Variants in CKAP2 observed in about 807,000 individuals in gnomAD.
The protein encoded by CKAP2 is cytoskeleton associated protein 2, also known as cytoskeleton-associated protein 2.
CKAP2 carries 46 observed loss-of-function variants against 58.4 expected under a neutral mutation model. The observed-to-expected ratio is 0.79, with a 90% CI of 0.62 to 1.01. CKAP2 has a LOEUF of 1.01. CKAP2 is among the 50% of genes least tolerant of loss of function. The pLI, the probability that CKAP2 is intolerant of heterozygous loss-of-function variation, is 0.00. For synonymous variants in CKAP2, 293 were observed against 280.9 expected (o/e 1.04, Z -0.43); for missense variants, 809 against 796.4 (o/e 1.02, Z -0.19).
chr13:52,463,234 G>C lies in CKAP2; in HGVS notation c.1305+667G>C, dbSNP rs58762975. Among the ~76,000 whole-genome samples the C allele has an allele frequency of 2.0e-5, 3 of 152,260 alleles. No homozygotes were observed. The East Asian group carries it at 5.8e-4, about 29-fold the overall frequency. ...ATTACAGGTGTGAGCCACTGCGCTC[G>C]GCCTCATTCATGTTTTATATACAGC... On this transcript the variant is annotated intron_variant, in intron 5 of 8. Coordinates refer to ENST00000258607, the MANE Select transcript of CKAP2 (RefSeq NM_018204.5).
intron 7 of CKAP2, 187 bp from the exon 8 acceptor site, chr13:52,473,642 T>C (rs368442598): frequency 6.5e-5 from 33 of 511,098 alleles, no homozygotes; most frequent in African/African-American, 4.8e-4. Flanking sequence ...ATAGCATTTA[T>C]TTCATTTTAT....
At position 52,469,585 on chromosome 13, in the gene CKAP2, A is replaced by ATT. The variant is rs768281163; in HGVS notation, c.1546+1240_1546+1241dup. On this transcript the variant is annotated intron_variant, in intron 7 of 8. Transcript: ENST00000258607. ...CCATTGAATGAAATAATATTTATTTATTTATTTATTTATTTTTTTTTTGAG... is the reference window on the plus strand; with the variant it reads ...CCATTGAATGAAATAATATTTATTTATTTTTATTTATTTATTTTTTTTTTGAG... Among the ~76,000 whole-genome samples the ATT allele has an allele frequency of 2.3e-3, 336 of 144,154 alleles. 4 individuals carry two copies. The highest frequency in any genetic ancestry group is 3.4e-3 in the Non-Finnish European group (225 of 65,412). The allele number at this position is 144,154 out of a possible 152,430, so 94.6% of individuals were successfully genotyped here.
At chr13:52,455,721 A>T (rs897800101) in intron 1 of CKAP2, 95 bp downstream of exon 1, 1 of 1,291,670 alleles carries the variant, frequency 7.7e-7, no homozygotes. Flanking sequence ...GGCGCGCTTC[A>T]CCTCTCCCCC....
intron 7 of CKAP2, among the ~76,000 whole-genome samples, chr13:52,471,546 C>T (rs1044385655): frequency 1.3e-5 from 2 of 151,698 alleles, no homozygotes; most frequent in African/African-American, 4.8e-5. Context: ...AAACAAGCAC[C>T]ACGTGGGTGT....
At chr13:52,470,047 G>A (rs939167167) in intron 7 of CKAP2, among the ~76,000 whole-genome samples, 6 of 151,346 alleles carry the variant, frequency 4.0e-5, no homozygotes, top group South Asian at 2.1e-4. Flanking sequence ...ATATACCATC[G>A]CCTATATATC....
intron 5 of CKAP2, among the ~76,000 whole-genome samples, 168 bp from the exon 6 acceptor site, chr13:52,465,127 A>G (rs909081533): frequency 2.6e-5 from 4 of 152,212 alleles, no homozygotes; most frequent in Non-Finnish European, 5.9e-5. Flanking sequence ...TAAAATCAAG[A>G]TCAAATAAGT....
Position 52,473,931 on chromosome 13 carries a change from G to T in CKAP2, c.1649G>T (p.Ser550Ile). The T allele has an allele frequency of 6.2e-7, 1 of 1,613,878 alleles. No individual in the cohort carries two copies. Among genetic ancestry groups the T allele is most frequent in the Non-Finnish European group, 8.5e-7 (1 of 1,179,970 alleles). ...DVDPEKLEME[S>I]KLHRNLLFQD... ...GATCCAGAAAAACTGGAAATGGAGAGTAAACTTCATAGAAATTTGCTATTT... is the reference window on the plus strand; with the variant it reads ...GATCCAGAAAAACTGGAAATGGAGATTAAACTTCATAGAAATTTGCTATTT... Residue 550 changes from serine to isoleucine, a missense_variant, in exon 8 of 9, where the codon AGT (serine) becomes ATT (isoleucine). Ser to Ile is a moderately radical substitution (Grantham distance 142). This residue lies in a region of CKAP2 where 283 missense variants were observed against 287.6 expected (regional missense o/e 0.98). Coordinates refer to ENST00000258607, the MANE Select transcript of CKAP2 (RefSeq NM_018204.5).
intron 7 of CKAP2, among the ~76,000 whole-genome samples, chr13:52,472,732 G>A (rs988100343): frequency 6.6e-6 from 1 of 152,166 alleles, no homozygotes; most frequent in Non-Finnish European, 1.5e-5. Context: ...TTCCTACACA[G>A]TCATGTATTC....
At chr13:52,467,960 C>A (rs1279441305) in intron 6 of CKAP2, among the ~76,000 whole-genome samples, 1 of 152,032 alleles carries the variant, frequency 6.6e-6, no homozygotes, top group Non-Finnish European at 1.5e-5. Flanking sequence ...CAGGCGCCTG[C>A]CACCACGCCC....
Position 52,461,155 on chromosome 13 carries a change from A to C in CKAP2, c.329A>C (p.Asn110Thr), listed in dbSNP as rs36022164. ...TTAAAACCTTCAAATGAACTAACCA[A>C]TTCAACTGTAGTAATTGACACACAT... ...IPLKPSNELT[N>T]STVVIDTHKP... The change falls in exon 4 of 9, where the codon AAT becomes ACT. Residue 110 changes from asparagine (N) to threonine (T), a missense_variant. Asn to Thr is a moderately conservative substitution (Grantham distance 65). Transcript: ENST00000258607. 1 of 1,613,474 alleles carries C rather than the reference A, an allele frequency of 6.2e-7. No individual in the cohort carries two copies. Among genetic ancestry groups the C allele is most frequent in the Non-Finnish European group, 8.5e-7 (1 of 1,179,932 alleles).
At chr13:52,458,413 A>G (rs1347627537) in intron 2 of CKAP2, among the ~76,000 whole-genome samples, 6 of 152,232 alleles carry the variant, frequency 3.9e-5, no homozygotes, top group Non-Finnish European at 8.8e-5. Context: ...ATTACTAGGG[A>G]ATAAGTAGAG....
chr13:52,470,014 C>T (rs1385778855), intron 7 of CKAP2, among the ~76,000 whole-genome samples: 2 of 151,916 alleles, frequency 1.3e-5, no homozygotes, highest in Admixed American at 1.3e-4. Flanking sequence ...ATTATACAGT[C>T]AACAAATATT....
At chr13:52,466,668 CAAG>C (rs1188535385) in intron 6 of CKAP2, among the ~76,000 whole-genome samples, 1 of 152,150 alleles carries the variant, frequency 6.6e-6, no homozygotes, top group Admixed American at 6.5e-5. Flanking sequence ...TGCTGGAAAA[CAAG>C]AATCAAAATT....
Position 52,461,916 on chromosome 13 carries a change from G to A in CKAP2, c.1090G>A (p.Glu364Lys). The A allele has an allele frequency of 6.3e-7, 1 of 1,591,330 alleles. No homozygotes were observed. The highest frequency in any genetic ancestry group is 1.4e-5 in the African/African-American group (1 of 73,694). The change falls in exon 4 of 9, where the codon GAA (glutamate) becomes AAA (lysine). Residue 364 changes from glutamate to lysine, a missense_variant. Physicochemically the swap from Glu to Lys is moderately conservative, Grantham distance 56. This residue lies in a region of CKAP2 where 523 missense variants were observed against 492.4 expected (regional missense o/e 1.06). Coordinates refer to ENST00000258607, the MANE Select transcript of CKAP2 (RefSeq NM_018204.5). Reference sequence around the variant, plus strand: ...ATCAGCTCAGCCCAAAGAAACCTCGGAAGAGAGAAAGTAAGTAGATATAAT... The same window carrying A: ...ATCAGCTCAGCCCAAAGAAACCTCGAAAGAGAGAAAGTAAGTAGATATAAT... ...SRSAQPKETSEERKARLSEWK... is the reference protein window; with the variant it reads ...SRSAQPKETSKERKARLSEWK...
At chr13:52,468,131 T>G (rs2137861987) in intron 6 of CKAP2, 147 bp from the exon 7 acceptor site, 1 of 546,724 alleles carries the variant, frequency 1.8e-6, no homozygotes, top group East Asian at 3.1e-5. Flanking sequence ...TTTTCAATCT[T>G]AATTGTAAGT....
In CKAP2 at chr13:52,461,940, A is replaced by G. The variant is rs1318347865; in HGVS notation, c.1100+14A>G. The G allele has an allele frequency of 1.3e-6, 2 of 1,556,946 alleles. No individual in the cohort carries two copies. The highest frequency in any genetic ancestry group is 1.2e-5 in the South Asian group (1 of 80,526). On this transcript the variant is annotated intron_variant, in intron 4 of 8. Coordinates refer to ENST00000258607, the MANE Select transcript of CKAP2 (RefSeq NM_018204.5). ...GGAAGAGAGAAAGTAAGTAGATATA[A>G]TTTTCTTTATTACATTAGTTTTCAA... is the stretch of plus-strand genomic sequence containing the variant.
chr13:52,461,509 A>T lies in CKAP2; in HGVS notation c.683A>T (p.Lys228Ile). The change falls in exon 4 of 9, where the codon AAA becomes ATA. Residue 228 changes from lysine (K) to isoleucine (I), a missense_variant. Physicochemically the swap from Lys to Ile is moderately radical, Grantham distance 102. This residue lies in a region of CKAP2 where 523 missense variants were observed against 492.4 expected (regional missense o/e 1.06). Transcript: ENST00000258607. ...GTAAACACCAGCAGTGTAACAGTGA[A>T]AAGTAATAGATCCTCCAATATGACT... ...QPVNTSSVTV[K>I]SNRSSNMTAT... is the part of the protein sequence containing the mutation. The T allele has an allele frequency of 6.2e-7, 1 of 1,614,166 alleles. No homozygotes were observed. Among genetic ancestry groups the T allele is most frequent in the Non-Finnish European group, 8.5e-7 (1 of 1,180,036 alleles).
At chr13:52,472,793 T>A (rs949770365) in intron 7 of CKAP2, among the ~76,000 whole-genome samples, 3 of 152,218 alleles carry the variant, frequency 2.0e-5, no homozygotes, top group African/African-American at 4.8e-5. Context: ...ACGCCTATAA[T>A]CCCAACACCA....
chr13:52,461,628 A>C lies in CKAP2; in HGVS notation c.802A>C (p.Lys268Gln), dbSNP rs768920061. 1.4e-5 allele frequency: 22 copies of C among 1,614,184 alleles called. No individual in the cohort carries two copies. The East Asian group carries it at 3.6e-4, about 26-fold the overall frequency. The change falls in exon 4 of 9, where the codon AAA (lysine) becomes CAA (glutamine). Residue 268 changes from lysine to glutamine, a missense_variant. Lys to Gln is a moderately conservative substitution (Grantham distance 53, BLOSUM62 1). Transcript: ENST00000258607. Reference protein sequence around the residue: ...SHHSNTRDTVKQGISRTSANV... With the variant: ...SHHSNTRDTVQQGISRTSANV... ...TCACAGTAATACCCGGGACACTGTGAAACAAGGCATCAGTAGAACTTCTGC... is the reference window on the plus strand; with the variant it reads ...TCACAGTAATACCCGGGACACTGTGCAACAAGGCATCAGTAGAACTTCTGC...
Sources: gnomAD v4.1 joint callset for allele counts (sites outside exome capture counted in the v4.1 genomes callset) on GRCh38, gnomAD v4.1.1 for gene constraint, gnomAD v4.1.1 regional missense constraint, MANE v1.5 for transcripts, NCBI Gene and HGNC (gene_info 2026-07-23, HGNC 2026-07-21) for gene names.